CLVS1: variants seen among roughly 807,000 people sequenced by gnomAD.
CLVS1 encodes the protein clavesin-1.
CLVS1 carries 10 observed loss-of-function variants against 33.1 expected under a neutral mutation model. The observed-to-expected ratio is 0.30, with a 90% CI of 0.19 to 0.51. The LOEUF is 0.51. Ranked by LOEUF, CLVS1 falls within the 20% of genes least tolerant of loss-of-function variation. The pLI is 0.97. For missense variants in CLVS1, 343 were observed against 433.4 expected (o/e 0.79, Z 1.85); for synonymous variants, 163 against 166.1 (o/e 0.98, Z 0.14).
At chr8:61,313,200 C>G (rs1342780579) in intron 2 of CLVS1, among the ~76,000 whole-genome samples, 1 of 152,140 alleles carries the variant, frequency 6.6e-6, no homozygotes, top group Admixed American at 6.5e-5. Context: ...TCCTGCAGGT[C>G]TTGTCTAGCT....
At chr8:61,428,514 A>T (rs982393427) in intron 3 of CLVS1, among the ~76,000 whole-genome samples, 14 of 152,366 alleles carry the variant, frequency 9.2e-5, no homozygotes, top group African/African-American at 3.4e-4. Context: ...CCTTCTGAGA[A>T]TTGTTCCCTT....
intron 1 of CLVS1, among the ~76,000 whole-genome samples, chr8:61,118,348 A>G (rs1296126793): frequency 6.6e-6 from 1 of 151,770 alleles, no homozygotes; most frequent in Non-Finnish European, 1.5e-5. Flanking sequence ...AATTTTTTGA[A>G]GGGTTTTTTG....
At chr8:61,187,611 C>G (rs949594093) in intron 2 of CLVS1, among the ~76,000 whole-genome samples, 5 of 148,804 alleles carry the variant, frequency 3.4e-5, no homozygotes, top group Non-Finnish European at 6.0e-5. Flanking sequence ...GATTTTGAAC[C>G]CTGCTTCTCT....
intron 2 of CLVS1, among the ~76,000 whole-genome samples, chr8:61,225,150 C>T (rs11985051): frequency 0.082 from 12,438 of 151,974 alleles, 971 homozygotes; most frequent in African/African-American, 0.21. Flanking sequence ...AGCCCCATTT[C>T]TACTAAAAAT....
chr8:61,008,527 C>G, the CLVS1 span, among the ~76,000 whole-genome samples: 1 of 149,732 alleles, frequency 6.7e-6, no homozygotes, highest in Admixed American at 6.7e-5. Context: ...AAAGCAGTGG[C>G]ACAATCATAG....
chr8:61,420,330 T>C (rs965065516), intron 3 of CLVS1, among the ~76,000 whole-genome samples: 3 of 152,222 alleles, frequency 2.0e-5, no homozygotes, highest in Admixed American at 6.5e-5. Flanking sequence ...CCGGGTGCGG[T>C]GGCTCACGCC....
intron 2 of CLVS1, among the ~76,000 whole-genome samples, chr8:61,178,395 A>C (rs1301219798): frequency 1.3e-5 from 2 of 152,182 alleles, no homozygotes; most frequent in Non-Finnish European, 2.9e-5. Context: ...AGAGATGGGA[A>C]GAATAGAACC....
chr8:61,223,781 T>G (rs1808272455), intron 2 of CLVS1, among the ~76,000 whole-genome samples: 1 of 152,258 alleles, frequency 6.6e-6, no homozygotes, highest in African/African-American at 2.4e-5. Context: ...GTTTTCCATC[T>G]TGTTTCCATT....
intron 5 of CLVS1, among the ~76,000 whole-genome samples, chr8:61,488,839 C>T (rs755692598): frequency 6.6e-6 from 1 of 152,186 alleles, no homozygotes; most frequent in East Asian, 1.9e-4. Flanking sequence ...CCACGGTGGC[C>T]TTCCCTGGCT....
At chr8:61,180,569 A>C (rs1314860324) in intron 2 of CLVS1, among the ~76,000 whole-genome samples, 1 of 152,254 alleles carries the variant, frequency 6.6e-6, no homozygotes, top group Non-Finnish European at 1.5e-5. Flanking sequence ...TCCTTGATGA[A>C]CATCAATGCA....
upstream of CLVS1, among the ~76,000 whole-genome samples, chr8:61,285,097 G>GT (rs2129593394): frequency 6.6e-6 from 1 of 152,142 alleles, no homozygotes; most frequent in South Asian, 2.1e-4. Flanking sequence ...TAAAAAAAAA[G>GT]TCTGTGGAGC....
chr8:61,037,164 A>G, the CLVS1 span, among the ~76,000 whole-genome samples: 6 of 152,222 alleles, frequency 3.9e-5, no homozygotes, highest in Admixed American at 2.0e-4. Context: ...CAAAATAGAC[A>G]TGAAATTTAC....
chr8:61,136,772 C>T (rs62524521), intron 2 of CLVS1, among the ~76,000 whole-genome samples: 22,746 of 152,142 alleles, frequency 0.15, 2,119 homozygotes, highest in Admixed American at 0.29. Flanking sequence ...ATAATCTGTA[C>T]AGCAAAACCC....
At chr8:61,468,735 A>AAAAAAAAAAAAAAAAAAAG (rs1217287345) in intron 5 of CLVS1, among the ~76,000 whole-genome samples, 1 of 138,738 alleles carries the variant, frequency 7.2e-6, no homozygotes, top group Non-Finnish European at 1.5e-5. Flanking sequence ...AAAAAAAAAA[A>AAAAAAAAAAAAAAAAAAAG]AAAAGGTAGT....
chr8:61,020,747 GTGTC>G, the CLVS1 span, among the ~76,000 whole-genome samples: 48 of 152,350 alleles, frequency 3.2e-4, no homozygotes, highest in Middle Eastern at 3.4e-3. Flanking sequence ...GCTTAACATG[GTGTC>G]TGTCACATCA....
rs1011149466 is a variant in CLVS1, at chr8:61,352,066, T to A, written c.456-24539T>A. 3.3e-5 allele frequency among the ~76,000 whole-genome samples: 5 copies of A among 152,156 alleles called. No individual in the cohort carries two copies. In the South Asian group the frequency reaches 1.0e-3, roughly 32 times the overall value. On this transcript the variant is annotated intron_variant, in intron 2 of 5. Transcript: ENST00000325897. ...TATCTCATGAGTTTTATAAATCATA[T>A]TTGATGATTGAAACACAAATTCTAA...
chr8:61,073,868 C>T (rs143428163), intron 1 of CLVS1, among the ~76,000 whole-genome samples: 6,050 of 151,624 alleles, frequency 0.04, 411 homozygotes, highest in African/African-American at 0.14. Context: ...AAAAATTAGC[C>T]GGGCTAGGTG....
At chr8:61,236,257 T>C (rs1199282329) in intron 2 of CLVS1, among the ~76,000 whole-genome samples, 1 of 151,190 alleles carries the variant, frequency 6.6e-6, no homozygotes, top group Non-Finnish European at 1.5e-5. Context: ...GCCAGAGGAG[T>C]GAATGAGAGC....
intron 3 of CLVS1, among the ~76,000 whole-genome samples, chr8:61,442,050 A>G (rs756609961): frequency 3.9e-5 from 6 of 152,130 alleles, no homozygotes; most frequent in Non-Finnish European, 8.8e-5. Flanking sequence ...AGGATGGCCC[A>G]TGTTACCCTT....
Sources: allele counts gnomAD v4.1 joint callset (sites outside exome capture counted in the v4.1 genomes callset), GRCh38; gene constraint gnomAD v4.1.1; transcripts MANE v1.5; gene names NCBI Gene and HGNC (gene_info 2026-07-23, HGNC 2026-07-21).